The following SPOCK3 variants were observed in gnomAD, a reference collection of about 807,000 sequenced individuals.
The protein encoded by SPOCK3 is testican-3.
SPOCK3 carries 30 observed loss-of-function variants against 56.6 expected under a neutral mutation model. The observed-to-expected ratio is 0.53, with a 90% CI of 0.40 to 0.72. The LOEUF is 0.72. Among genes scored for constraint, SPOCK3 ranks in the 30% least tolerant of loss-of-function variants. SPOCK3 has a pLI of 0.00. For synonymous variants in SPOCK3, 196 were observed against 183.3 expected, an observed-to-expected ratio of 1.07 and a Z score of -0.56; for missense variants, 527 against 530.0, an observed-to-expected ratio of 0.99 and a Z score of 0.06.
At chr4:167,036,342 T>C (rs150906049) in intron 3 of SPOCK3, among the ~76,000 whole-genome samples, 52 of 152,336 alleles carry the variant, frequency 3.4e-4, no homozygotes, top group African/African-American at 1.2e-3. Context: ...AAGTTTCTTC[T>C]CCTTCATGGA....
chr4:167,084,591 T>C (rs1039928894), intron 2 of SPOCK3, among the ~76,000 whole-genome samples: 4 of 152,098 alleles, frequency 2.6e-5, no homozygotes, highest in African/African-American at 9.6e-5. Context: ...TGATGACTAG[T>C]ACTGCCTTCG....
chr4:167,215,489 T>C (rs543247973), intron 2 of SPOCK3, among the ~76,000 whole-genome samples: 214 of 151,830 alleles, frequency 1.4e-3, no homozygotes, highest in Non-Finnish European at 2.2e-3. Flanking sequence ...TCATGAAAAA[T>C]GAGAATGAGA....
chr4:167,094,344 T>C (rs1561208759), intron 2 of SPOCK3, among the ~76,000 whole-genome samples: 1 of 152,074 alleles, frequency 6.6e-6, no homozygotes, highest in Non-Finnish European at 1.5e-5. Flanking sequence ...ACATACACAC[T>C]AATAAACATA....
chr4:167,136,956 A>G (rs1481822378), intron 2 of SPOCK3, among the ~76,000 whole-genome samples: 1 of 152,074 alleles, frequency 6.6e-6, no homozygotes, highest in Non-Finnish European at 1.5e-5. Flanking sequence ...AAGTCATTTA[A>G]TCCTGTGGCA....
intron 7 of SPOCK3, among the ~76,000 whole-genome samples, chr4:166,790,683 A>G (rs193184180): frequency 2.0e-5 from 3 of 152,306 alleles, no homozygotes; most frequent in Admixed American, 6.5e-5. Flanking sequence ...AATGTGTACA[A>G]TTACCCAGGC....
intron 6 of SPOCK3, among the ~76,000 whole-genome samples, chr4:166,838,920 C>T (rs1286149170): frequency 6.6e-6 from 1 of 150,964 alleles, no homozygotes; most frequent in Admixed American, 6.6e-5. Flanking sequence ...CGAGATTGTG[C>T]CACTGCACTC....
chr4:167,155,171 A>G (rs1764714289), intron 2 of SPOCK3, among the ~76,000 whole-genome samples: 2 of 151,964 alleles, frequency 1.3e-5, no homozygotes, highest in African/African-American at 4.8e-5. Flanking sequence ...ACTAGAGTGC[A>G]GTGGTGCAAT....
rs370113123 is a variant in SPOCK3 at position 166,776,756 on chromosome 4, G to A, written c.709+15414C>T. 2.1e-4 allele frequency among the ~76,000 whole-genome samples: 32 copies of A among 152,102 alleles called. No individual in the cohort carries two copies. The East Asian group carries it at 2.5e-3, about 12-fold the overall frequency. On this transcript the variant is annotated intron_variant, in intron 7 of 10. Coordinates refer to ENST00000357545, the MANE Select transcript of SPOCK3 (RefSeq NM_001040159.2). ...GATGAAAATAATGTTAGAGAAGAGA[G>A]CATTCTTTAATTGTAAAAAGAAAGA...
chr4:166,790,999 A>G lies in SPOCK3; in HGVS notation c.709+1171T>C, dbSNP rs193097575. On this transcript the variant is annotated intron_variant, in intron 7 of 10. Transcript: ENST00000357545. ...CAAGTTAAAGCTCAAAGGCATCAAA[A>G]TATTTACATTTGCCAAAAAATTAAC... 7.2e-5 allele frequency among the ~76,000 whole-genome samples: 11 copies of G among 152,326 alleles called. No homozygotes were observed. The East Asian group carries it at 1.4e-3, about 19-fold the overall frequency.
chr4:166,746,221 C>T (rs1283976744), intron 8 of SPOCK3, among the ~76,000 whole-genome samples: 3 of 152,134 alleles, frequency 2.0e-5, no homozygotes, highest in African/African-American at 7.2e-5. Context: ...TTCCAAAATT[C>T]ACCACTTAGT....
chr4:166,845,977 C>T (rs906962360), intron 6 of SPOCK3, among the ~76,000 whole-genome samples: 1 of 152,122 alleles, frequency 6.6e-6, no homozygotes, highest in African/African-American at 2.4e-5. Context: ...CAAGTTTGTA[C>T]TCCTGTACTG....
chr4:166,744,532 C>T (rs766502826), intron 8 of SPOCK3, among the ~76,000 whole-genome samples: 24 of 150,216 alleles, frequency 1.6e-4, no homozygotes, highest in Non-Finnish European at 2.5e-4. Flanking sequence ...TGGGAAGAAA[C>T]CAGAGCAGAA....
At chr4:167,038,794 C>T (rs1752995966) in intron 3 of SPOCK3, among the ~76,000 whole-genome samples, 1 of 151,462 alleles carries the variant, frequency 6.6e-6, no homozygotes, top group Non-Finnish European at 1.5e-5. Context: ...GTAAAAGTTA[C>T]AATTAATATA....
At chr4:166,962,506 C>A (rs556806560) in intron 4 of SPOCK3, among the ~76,000 whole-genome samples, 4 of 152,086 alleles carry the variant, frequency 2.6e-5, no homozygotes, top group South Asian at 2.1e-4. Flanking sequence ...CATTAGAGAA[C>A]CTTCTATAGT....
intron 2 of SPOCK3, chr4:167,062,763 T>G: frequency 2.0e-6 from 1 of 508,922 alleles, no homozygotes; most frequent in East Asian, 3.1e-5. Context: ...CAGAAATGTC[T>G]TTCAATAAAC....
intron 4 of SPOCK3, among the ~76,000 whole-genome samples, chr4:166,958,041 G>T (rs1358970655): frequency 2.0e-5 from 3 of 152,112 alleles, no homozygotes; most frequent in Non-Finnish European, 1.5e-5. Flanking sequence ...TTGGATGCAT[G>T]TCCCTGCCAA....
chr4:166,948,791 C>G (rs1012194614), intron 4 of SPOCK3, among the ~76,000 whole-genome samples: 98 of 152,144 alleles, frequency 6.4e-4, no homozygotes, highest in Admixed American at 7.9e-4. Context: ...TCCTTCATTT[C>G]AACTTTGGTG....
intron 2 of SPOCK3, among the ~76,000 whole-genome samples, chr4:167,068,210 A>G (rs1348175453): frequency 6.6e-6 from 1 of 151,742 alleles, no homozygotes; most frequent in Non-Finnish European, 1.5e-5. Context: ...GAAAGCAAAC[A>G]GTAAGGAATA....
rs145660835 is a variant in SPOCK3, at chr4:167,190,616, T to A, written c.189+43369A>T. ...GCGATGAAGAAGCTTTTTATTCTGA[T>A]GTAGTCTCACTTGTTTATTTTTGCT... On this transcript the variant is annotated intron_variant, in intron 2 of 10. Transcript: ENST00000357545. Among the ~76,000 whole-genome samples, 18 of 146,080 alleles carry A rather than the reference T, an allele frequency of 1.2e-4. 3 individuals are homozygous for A. In the East Asian group the frequency reaches 3.7e-3, roughly 30 times the overall value.
Sources: allele counts gnomAD v4.1 joint callset (sites outside exome capture counted in the v4.1 genomes callset), GRCh38; gene constraint gnomAD v4.1.1; transcripts MANE v1.5; gene names NCBI Gene and HGNC (gene_info 2026-07-23, HGNC 2026-07-21).